Variants in PRSS12 observed in about 807,000 individuals in gnomAD.
The protein encoded by PRSS12 is serine protease 12, also known as neurotrypsin.
In PRSS12, 85 loss-of-function variants were observed where a neutral mutation model predicts 104.4. That is an observed-to-expected ratio of 0.81 (90% CI 0.68 to 0.98). PRSS12 has a LOEUF of 0.98. PRSS12 is among the 50% of genes least tolerant of loss of function. The pLI, the probability that PRSS12 is intolerant of heterozygous loss-of-function variation, is 0.00. For missense variants in PRSS12, 1,141 were observed against 1,139.2 expected, an observed-to-expected ratio of 1.00 and a Z score of -0.02; for synonymous variants, 454 against 425.2, an observed-to-expected ratio of 1.07 and a Z score of -0.83.
intron 8 of PRSS12, chr4:118,303,172 T>C (rs190278939): frequency 1.8e-4 from 28 of 151,838 alleles, no homozygotes; most frequent in Admixed American, 6.6e-4. Context: ...AGAAAAACAA[T>C]AAGAATGTTG....
rs538026129 is a variant in PRSS12 at position 118,346,389 on chromosome 4, G to A, written c.502+5830C>T. Reference sequence around the variant, plus strand: ...TTCCAAAAGCATCTTTATTTTCACAGTCATAATGTATTATATATAAATTTC... The same window carrying A: ...TTCCAAAAGCATCTTTATTTTCACAATCATAATGTATTATATATAAATTTC... On this transcript the variant is annotated intron_variant, in intron 1 of 12. Coordinates refer to ENST00000296498, the MANE Select transcript of PRSS12 (RefSeq NM_003619.4). Among the ~76,000 whole-genome samples the A allele has an allele frequency of 1.7e-3, 261 of 150,450 alleles. 1 individual carries two copies. Among genetic ancestry groups the A allele is most frequent in the African/African-American group, 5.8e-3 (241 of 41,282 alleles).
Position 118,282,023 on chromosome 4 carries a change from C to A in PRSS12, c.2541G>T (p.Gly847=), listed in dbSNP as rs368413746. 1 of 1,611,680 alleles carries A rather than the reference C, an allele frequency of 6.2e-7. No homozygotes were observed. The highest frequency in any genetic ancestry group is 8.5e-7 in the Non-Finnish European group (1 of 1,177,790). The change falls in exon 13 of 13, where the codon GGG becomes GGT. Residue 847 remains glycine, a synonymous_variant. Coordinates refer to ENST00000296498, the MANE Select transcript of PRSS12 (RefSeq NM_003619.4). The part of the protein sequence containing the change: ...SWVVYGVTSW[G]YGCGVKDSPG... ...GAGAATCCTTGACTCCACAGCCATA[C>A]CCCCAGGAGGTCACCCCATACACCA...
chr4:118,319,253 T>G (rs1723543240), intron 4 of PRSS12, among the ~76,000 whole-genome samples: 1 of 151,976 alleles, frequency 6.6e-6, no homozygotes, highest in Non-Finnish European at 1.5e-5. Context: ...TATTTTGAAG[T>G]GGTGGGGTTT....
At chr4:118,299,470 C>T (rs1743337138) in intron 8 of PRSS12, among the ~76,000 whole-genome samples, 2 of 151,974 alleles carry the variant, frequency 1.3e-5, no homozygotes. Context: ...CACCTGAGGT[C>T]AGGAGTTCAA....
In PRSS12 at chr4:118,303,012, A is replaced by C. The variant is rs185467400; in HGVS notation, c.1632-4074T>G. On this transcript the variant is annotated intron_variant, in intron 8 of 12. Coordinates refer to ENST00000296498, the MANE Select transcript of PRSS12 (RefSeq NM_003619.4). The stretch of plus-strand genomic sequence containing the variant: ...ATTCCAGATGATTCCCAGAAGTTTC[A>C]GAGGTGAGAATGGGTGGAGGTAGAA... Among the ~76,000 whole-genome samples, 4 of 152,322 alleles carry C rather than the reference A, an allele frequency of 2.6e-5. No individual in the cohort carries two copies. The East Asian group carries it at 7.7e-4, about 29-fold the overall frequency.
At chr4:118,328,592 A>AAC (rs1723840954) in intron 4 of PRSS12, among the ~76,000 whole-genome samples, 1 of 146,108 alleles carries the variant, frequency 6.8e-6, no homozygotes, top group Admixed American at 6.8e-5. Context: ...ACAACAACAA[A>AAC]AAAAAAAAGA....
At chr4:118,310,150 G>T (rs757732420) in intron 7 of PRSS12, among the ~76,000 whole-genome samples, 70 of 152,158 alleles carry the variant, frequency 4.6e-4, no homozygotes, top group Non-Finnish European at 8.5e-4. Context: ...TCTGAAATTT[G>T]GGAGTTCTTT....
At chr4:118,325,350 G>A (rs979456271) in intron 4 of PRSS12, among the ~76,000 whole-genome samples, 1 of 150,712 alleles carries the variant, frequency 6.6e-6, no homozygotes, top group East Asian at 1.9e-4. Context: ...CACTACCTGG[G>A]TGTTTTATTT....
At chr4:118,340,808 GGTTTAACA>G (rs1724187035) in intron 1 of PRSS12, among the ~76,000 whole-genome samples, 1 of 152,188 alleles carries the variant, frequency 6.6e-6, no homozygotes, top group Non-Finnish European at 1.5e-5. Context: ...TTTATGTTCA[GGTTTAACA>G]AAGTGTGGTC....
chr4:118,282,067 GTTCAC>G lies in PRSS12; in HGVS notation c.2492_2496del (p.Cys831SerfsTer113), dbSNP rs1390099581. 1.9e-6 allele frequency: 3 copies of G among 1,614,064 alleles called. No homozygotes were observed. Among genetic ancestry groups the G allele is most frequent in the Non-Finnish European group, 2.5e-6 (3 of 1,180,044 alleles). ...TACACCACCCAGCTCTCTCCGGGCC[GTTCAC>G]ACATGAGTGGTCCTCCGCTGTCTCC... On this transcript the variant is annotated frameshift_variant, in exon 13 of 13. Transcript: ENST00000296498. LOFTEE classifies it high-confidence loss of function.
intron 1 of PRSS12, among the ~76,000 whole-genome samples, chr4:118,340,507 C>T (rs923913737): frequency 1.3e-5 from 2 of 152,160 alleles, no homozygotes; most frequent in African/African-American, 4.8e-5. Context: ...AACCATCTAC[C>T]TAGGACTCAG....
Position 118,282,969 on chromosome 4 carries a change from CTA to C in PRSS12, c.2180_2181del (p.Ile727SerfsTer4). The part of the protein sequence containing the change: ...EYRPDRSDYD[I>X]ALVRLQGPEE... ...TCTGGTCCTTGTAATCTAACCAGGG[CTA>C]TGTCATAATCACTGCGGTCGGGTCG... On this transcript the variant is annotated frameshift_variant, in exon 12 of 13. Coordinates refer to ENST00000296498, the MANE Select transcript of PRSS12 (RefSeq NM_003619.4). LOFTEE classifies it high-confidence loss of function. 6.2e-7 allele frequency: 1 copy of C among 1,614,096 alleles called. No individual in the cohort carries two copies. Among genetic ancestry groups the C allele is most frequent in the Non-Finnish European group, 8.5e-7 (1 of 1,180,002 alleles).
At chr4:118,296,037 T>C (rs1030861417) in intron 9 of PRSS12, among the ~76,000 whole-genome samples, 181 bp from the exon 10 acceptor site, 8 of 152,360 alleles carry the variant, frequency 5.3e-5, no homozygotes, top group Non-Finnish European at 1.2e-4. Flanking sequence ...AATTTGCAAG[T>C]AGACAAGAAA....
At position 118,281,728 on chromosome 4, in the gene PRSS12, G is replaced by A. The variant is rs142775631; in HGVS notation, c.*208C>T. ...CTCCAGTGAAATTAGGGTAGAAAATGTTCATTTAAGGATTATCACTTCCAC... is the reference window on the plus strand; with the variant it reads ...CTCCAGTGAAATTAGGGTAGAAAATATTCATTTAAGGATTATCACTTCCAC... On this transcript the variant is annotated 3_prime_UTR_variant, in exon 13 of 13. Coordinates refer to ENST00000296498, the MANE Select transcript of PRSS12 (RefSeq NM_003619.4). The A allele has an allele frequency of 0.017, 10,066 of 595,982 alleles. 128 individuals carry two copies. Among genetic ancestry groups the A allele is most frequent in the South Asian group, 0.028 (1,417 of 50,562 alleles). 36.9% of individuals were successfully genotyped at this position (595,982 alleles called of 1,614,324 possible). A position where few individuals can be genotyped will look rare whatever the true frequency, so the allele number is the denominator to read the frequency against.
chr4:118,306,822 TGATG>T (rs1240978167), intron 8 of PRSS12, among the ~76,000 whole-genome samples: 171 of 152,238 alleles, frequency 1.1e-3, no homozygotes, highest in African/African-American at 3.9e-3. Flanking sequence ...TGATGATGCT[TGATG>T]AATATGCCTA....
rs761103069 is a variant in PRSS12, at chr4:118,352,600, G to T, written c.121C>A (p.Pro41Thr). ...HSHRHSPPAG[P>T]HYPYYLPTQQ... The stretch of plus-strand genomic sequence containing the variant: ...GTGGGAAGGTAATAGGGGTAGTGCG[G>T]ACCCGCAGGGGGCGAATGGCGGTGG... The change falls in exon 1 of 13, where the codon CCG (proline) becomes ACG (threonine). Residue 41 changes from proline to threonine, a missense_variant. Transcript: ENST00000296498. 4.4e-6 allele frequency: 7 copies of T among 1,608,196 alleles called. No individual in the cohort carries two copies. In the East Asian group the frequency reaches 1.1e-4, roughly 26 times the overall value.
chr4:118,343,997 C>A (rs918819804), intron 1 of PRSS12, among the ~76,000 whole-genome samples: 1 of 151,934 alleles, frequency 6.6e-6, no homozygotes, highest in Non-Finnish European at 1.5e-5. Flanking sequence ...TATTATTGAA[C>A]TTTACAGATG....
At chr4:118,342,933 A>G (rs1366923466) in intron 1 of PRSS12, among the ~76,000 whole-genome samples, 1 of 152,200 alleles carries the variant, frequency 6.6e-6, no homozygotes, top group Non-Finnish European at 1.5e-5. Flanking sequence ...TGCTTGATGG[A>G]CAACTTCGCT....
At position 118,352,076 on chromosome 4, in the gene PRSS12, GCAGCC is replaced by G; in HGVS notation, c.502+138_502+142del. On this transcript the variant is annotated intron_variant, in intron 1 of 12. Transcript: ENST00000296498. ...AGTATACCTTACTGGTAACCCAGCTGCAGCCCACCATCACAGCCCGCAAACGCAAG... is the reference window on the plus strand; with the variant it reads ...AGTATACCTTACTGGTAACCCAGCTGCACCATCACAGCCCGCAAACGCAAG... 2.5e-6 allele frequency: 3 copies of G among 1,205,888 alleles called. No homozygotes were observed. In the East Asian group the frequency reaches 7.8e-5, roughly 31 times the overall value. 74.7% of individuals were successfully genotyped at this position (1,205,888 alleles called of 1,614,324 possible).
Sources: allele counts gnomAD v4.1 joint callset (sites outside exome capture counted in the v4.1 genomes callset), GRCh38; gene constraint gnomAD v4.1.1; transcripts MANE v1.5; gene names NCBI Gene and HGNC (gene_info 2026-07-23, HGNC 2026-07-21).